Variants in PIKFYVE observed in about 807,000 individuals in gnomAD.
The protein encoded by PIKFYVE is 1-phosphatidylinositol 3-phosphate 5-kinase.
Under a neutral mutation model 257.9 loss-of-function variants are expected in PIKFYVE, and 122 were observed. That is an observed-to-expected ratio of 0.47 (90% confidence interval 0.41 to 0.55). The LOEUF is 0.55. Among genes scored for constraint, PIKFYVE ranks in the 20% least tolerant of loss-of-function variants. PIKFYVE has a pLI of 0.00. For synonymous variants in PIKFYVE, 892 were observed against 868.9 expected (o/e 1.03, Z -0.47); for missense variants, 2,160 against 2,536.6 (o/e 0.85, Z 3.19).
At chr2:208,315,997 G>T (rs1695469979) in intron 15 of PIKFYVE, among the ~76,000 whole-genome samples, 1 of 150,160 alleles carries the variant, frequency 6.7e-6, no homozygotes, top group Non-Finnish European at 1.5e-5. Flanking sequence ...TTAGCATTAG[G>T]TATATCACCT....
intron 20 of PIKFYVE, 41 bp from the exon 21 acceptor site, chr2:208,328,139 G>A (rs1171293378): frequency 1.2e-6 from 2 of 1,612,452 alleles, no homozygotes; most frequent in Admixed American, 1.7e-5. Context: ...GTTGAATGCG[G>A]TTGCAGTCAC....
chr2:208,301,655 G>A lies in PIKFYVE; in HGVS notation c.1208+561G>A, dbSNP rs113997536. Among the ~76,000 whole-genome samples, 663 of 152,250 alleles carry A rather than the reference G, an allele frequency of 4.4e-3. 5 individuals carry two copies. The highest frequency in any genetic ancestry group is 0.014 in the African/African-American group (593 of 41,548). On this transcript the variant is annotated intron_variant, in intron 9 of 41. Transcript: ENST00000264380. Reference sequence around the variant, plus strand: ...GCAGTAAAGCCCTGGTTGCAATTTTGGCTGTATATATTTTTTAGCTTTGTG... The same window carrying A: ...GCAGTAAAGCCCTGGTTGCAATTTTAGCTGTATATATTTTTTAGCTTTGTG...
chr2:208,320,366 A>G lies in PIKFYVE; in HGVS notation c.2190+7A>G, dbSNP rs1177627497. ...TGATCCTATTGTGCTTCAGGTAAGA[A>G]TTTACTACTGAAAATAATAATTTAG... is the stretch of plus-strand genomic sequence containing the variant. On this transcript the variant is annotated splice_region_variant and intron_variant, in intron 17 of 41. Transcript: ENST00000264380. 3 of 1,611,082 alleles carry G rather than the reference A, an allele frequency of 1.9e-6. No individual in the cohort carries two copies. The highest frequency in any genetic ancestry group is 2.5e-6 in the Non-Finnish European group (3 of 1,178,006).
At chr2:208,350,197 A>C in intron 36 of PIKFYVE, 114 bp downstream of exon 36, 1 of 1,469,488 alleles carries the variant, frequency 6.8e-7, no homozygotes, top group East Asian at 2.4e-5. Flanking sequence ...CTTGAAATGA[A>C]TATTAAGTCT....
intron 21 of PIKFYVE, among the ~76,000 whole-genome samples, 181 bp downstream of exon 21, chr2:208,328,461 C>A (rs976247): frequency 0.93 from 141,670 of 152,308 alleles, 66,413 homozygotes; most frequent in Non-Finnish European, 0.98. Flanking sequence ...CATGTTTGTT[C>A]ATGAGTAGAA....
At chr2:208,354,740 A>T (rs1470974799) in intron 41 of PIKFYVE, 95 bp downstream of exon 41, 1 of 971,436 alleles carries the variant, frequency 1.0e-6, no homozygotes, top group Non-Finnish European at 1.6e-6. Flanking sequence ...AGTTGTAAAA[A>T]ATAAGTGGTT....
chr2:208,332,643 A>G (rs1697677593), intron 23 of PIKFYVE, among the ~76,000 whole-genome samples: 1 of 152,194 alleles, frequency 6.6e-6, no homozygotes, highest in East Asian at 1.9e-4. Context: ...AGAATATTTT[A>G]TGTGGGAAAA....
chr2:208,342,592 G>A lies in PIKFYVE; in HGVS notation c.4970G>A (p.Arg1657Gln). 1.9e-6 allele frequency: 3 copies of A among 1,613,910 alleles called. No homozygotes were observed. Among genetic ancestry groups the A allele is most frequent in the South Asian group, 1.1e-5 (1 of 91,076 alleles). The stretch of plus-strand genomic sequence containing the variant: ...CACTACTTAATGTATGAACATGAAC[G>A]AGTGCCCATTGCAGTCTGCGAGAAG... ...DKHYLMYEHERVPIAVCEKEP... is the reference protein window; with the variant it reads ...DKHYLMYEHEQVPIAVCEKEP... Residue 1657 changes from arginine (R) to glutamine (Q), a missense_variant, in exon 32 of 42, where the codon CGA becomes CAA. Arg to Gln is a conservative substitution (Grantham distance 43). Coordinates refer to ENST00000264380, the MANE Select transcript of PIKFYVE (RefSeq NM_015040.4).
intron 12 of PIKFYVE, chr2:208,305,257 A>G: frequency 1.5e-6 from 2 of 1,374,284 alleles, no homozygotes; most frequent in Non-Finnish European, 1.9e-6. Context: ...TAGTCTTTAA[A>G]AGGAACTACA....
intron 35 of PIKFYVE, 43 bp downstream of exon 35, chr2:208,348,066 T>A (rs373439494): frequency 1.0e-5 from 16 of 1,600,574 alleles, no homozygotes; most frequent in African/African-American, 1.3e-5. Flanking sequence ...ATGCTTTGAT[T>A]TATTTATTTT....
chr2:208,289,936 CATT>C (rs1240656159), intron 7 of PIKFYVE, among the ~76,000 whole-genome samples: 3 of 152,108 alleles, frequency 2.0e-5, no homozygotes, highest in Admixed American at 6.5e-5. Flanking sequence ...TTGCAGACAT[CATT>C]ATCCTTTATA....
Position 208,339,515 on chromosome 2 carries a change from G to C in PIKFYVE, c.4770G>C (p.Val1590=). The C allele has an allele frequency of 6.2e-7, 1 of 1,614,106 alleles. No individual in the cohort carries two copies. Among genetic ancestry groups the C allele is most frequent in the South Asian group, 1.1e-5 (1 of 91,078 alleles). ...CTGAAGTCATGTCTGAACAGTCAGT[G>C]GGAGGGCCCCCTGAGCTAGATACAG... The part of the protein sequence containing the change: ...TPPEVMSEQS[V]GGPPELDTAS... Residue 1590 remains valine (V), a synonymous_variant, in exon 30 of 42, where the codon GTG becomes GTC. Transcript: ENST00000264380.
chr2:208,333,277 A>C (rs747799774), intron 23 of PIKFYVE, 38 bp from the exon 24 acceptor site: 1 of 1,590,422 alleles, frequency 6.3e-7, no homozygotes, highest in Non-Finnish European at 8.6e-7. Context: ...AGAGATTCTC[A>C]ATATGTGATT....
At chr2:208,341,156 C>T (rs781333692) in intron 31 of PIKFYVE, among the ~76,000 whole-genome samples, 25 of 151,904 alleles carry the variant, frequency 1.6e-4, no homozygotes, top group African/African-American at 2.9e-4. Flanking sequence ...TGCAGGTGTG[C>T]GCCACCACAC....
In PIKFYVE at chr2:208,326,086, A is replaced by C; in HGVS notation, c.3275A>C (p.Asn1092Thr). ...AEQVYWSPLL[N>T]KEFKEMENRR... ...CAGGTTTACTGGTCTCCTCTCCTCA[A>C]TAAAGAATTCAAAGAAATGGAGAAC... Residue 1092 changes from asparagine to threonine, a missense_variant, in exon 20 of 42, where the codon AAT becomes ACT. By Grantham distance (65) the Asn-to-Thr change is moderately conservative. Coordinates refer to ENST00000264380, the MANE Select transcript of PIKFYVE (RefSeq NM_015040.4). The C allele has an allele frequency of 6.2e-7, 1 of 1,614,176 alleles. No homozygotes were observed. Among genetic ancestry groups the C allele is most frequent in the Non-Finnish European group, 8.5e-7 (1 of 1,180,032 alleles).
At chr2:208,354,292 G>A in intron 40 of PIKFYVE, 133 bp downstream of exon 40, 1 of 1,233,042 alleles carries the variant, frequency 8.1e-7, no homozygotes. Flanking sequence ...TCAAAAATAA[G>A]TTTTTTATTC....
chr2:208,342,726 T>A lies in PIKFYVE; in HGVS notation c.5027+77T>A, dbSNP rs1574723652. 9 of 1,201,956 alleles carry A rather than the reference T, an allele frequency of 7.5e-6. No individual in the cohort carries two copies. The East Asian group carries it at 2.1e-4, about 28-fold the overall frequency. The allele number at this position is 1,201,956 out of a possible 1,614,324, so 74.5% of individuals were successfully genotyped here. On this transcript the variant is annotated intron_variant, in intron 32 of 41. Coordinates refer to ENST00000264380, the MANE Select transcript of PIKFYVE (RefSeq NM_015040.4). ...GTCTATTAATCCCTTATTTTTGGAATCTTTCACATAAAGCAAAATGATTAA... is the reference window on the plus strand; with the variant it reads ...GTCTATTAATCCCTTATTTTTGGAAACTTTCACATAAAGCAAAATGATTAA...
rs377571463 is a variant in PIKFYVE, at chr2:208,325,983, C to T, written c.3172C>T (p.Pro1058Ser). 1.2e-5 allele frequency: 20 copies of T among 1,613,916 alleles called. No homozygotes were observed. In the African/African-American group the frequency reaches 1.9e-4, roughly 15 times the overall value. The change falls in exon 20 of 42, where the codon CCA becomes TCA. Residue 1058 changes from proline (P) to serine (S), a missense_variant. This residue lies in a region of PIKFYVE where 522 missense variants were observed against 514.6 expected (regional missense o/e 1.01). Coordinates refer to ENST00000264380, the MANE Select transcript of PIKFYVE (RefSeq NM_015040.4). ...ELKDVILCIS[P>S]VITFREPFLL... The stretch of plus-strand genomic sequence containing the variant: ...AAAAGATGTGATCCTCTGTATCTCC[C>T]CAGTAATCACATTCCGAGAACCCTT...
chr2:208,353,076 A>G (rs558741036), intron 39 of PIKFYVE, among the ~76,000 whole-genome samples: 1 of 152,344 alleles, frequency 6.6e-6, no homozygotes, highest in African/African-American at 2.4e-5. Context: ...AAGCTGAGGC[A>G]TACAGAAATT....
Sources: gnomAD v4.1 joint callset for allele counts (sites outside exome capture counted in the v4.1 genomes callset) on GRCh38, gnomAD v4.1.1 for gene constraint, gnomAD v4.1.1 regional missense constraint, MANE v1.5 for transcripts, NCBI Gene and HGNC (gene_info 2026-07-23, HGNC 2026-07-21) for gene names.